The following ATP2B1 variants were observed in gnomAD, a reference collection of about 807,000 sequenced individuals.
The protein encoded by ATP2B1 is ATPase plasma membrane Ca2+ transporting 1.
ATP2B1 carries 14 observed loss-of-function variants against 124.2 expected under a neutral mutation model. The ratio of observed to expected loss-of-function variants is 0.11; its 90% confidence interval spans 0.07 to 0.18. ATP2B1 has a LOEUF of 0.18. Among genes scored for constraint, ATP2B1 ranks in the 10% least tolerant of loss-of-function variants. The pLI is 1.00. For synonymous variants in ATP2B1, 449 were observed against 492.4 expected (o/e 0.91, Z 1.17); for missense variants, 763 against 1,466.1 (o/e 0.52, Z 7.83).
intron 2 of ATP2B1, among the ~76,000 whole-genome samples, chr12:89,648,397 T>C (rs899239697): frequency 6.6e-6 from 1 of 152,214 alleles, no homozygotes; most frequent in African/African-American, 2.4e-5. Context: ...AGAACTTGGC[T>C]GTATTGTGTC....
rs184474742 is a variant in ATP2B1 at position 89,672,150 on chromosome 12, T to C, written c.-221-16043A>G. ...GCTCTATCTCCCTTGGTTTCATTTT[T>C]CTTATGTGTAAAATAGAGAAACTGG... On this transcript the variant is annotated intron_variant, in intron 1 of 20. Coordinates refer to ENST00000428670, the MANE Select transcript of ATP2B1 (RefSeq NM_001366521.1). Among the ~76,000 whole-genome samples the C allele has an allele frequency of 1.1e-3, 173 of 152,356 alleles. 2 individuals are homozygous for C. In the East Asian group the frequency reaches 0.026, roughly 23 times the overall value.
chr12:89,700,977 T>A (rs989036251), intron 1 of ATP2B1, among the ~76,000 whole-genome samples: 1 of 152,212 alleles, frequency 6.6e-6, no homozygotes, highest in African/African-American at 2.4e-5. Flanking sequence ...GCTATATAAA[T>A]CTTTAGTTAC....
chr12:89,595,433 T>C (rs966481022), intron 20 of ATP2B1, among the ~76,000 whole-genome samples: 1 of 152,182 alleles, frequency 6.6e-6, no homozygotes, highest in Admixed American at 6.6e-5. Flanking sequence ...TACAGAATGT[T>C]TTCTCTAGAG....
intron 1 of ATP2B1, among the ~76,000 whole-genome samples, chr12:89,664,489 T>C (rs954854956): frequency 6.6e-6 from 1 of 152,208 alleles, no homozygotes; most frequent in African/African-American, 2.4e-5. Flanking sequence ...GGTCTAATTT[T>C]GCAAGGTTAT....
intron 2 of ATP2B1, among the ~76,000 whole-genome samples, chr12:89,651,050 GC>G (rs1409587674): frequency 6.6e-6 from 1 of 152,190 alleles, no homozygotes; most frequent in Non-Finnish European, 1.5e-5. Flanking sequence ...GAAGTTACAA[GC>G]CTCAATTCCA....
At chr12:89,691,738 AT>A (rs1442632725) in intron 1 of ATP2B1, among the ~76,000 whole-genome samples, 1 of 152,182 alleles carries the variant, frequency 6.6e-6, no homozygotes, top group Non-Finnish European at 1.5e-5. Context: ...TCAAATAATC[AT>A]TCTTTCCACT....
chr12:89,664,569 CA>C (rs1235166423), intron 1 of ATP2B1, among the ~76,000 whole-genome samples: 1 of 152,238 alleles, frequency 6.6e-6, no homozygotes, highest in Non-Finnish European at 1.5e-5. Context: ...TAACACACTA[CA>C]GATTAGTGGT....
chr12:89,689,199 A>G (rs1817741928), intron 1 of ATP2B1, among the ~76,000 whole-genome samples: 1 of 152,072 alleles, frequency 6.6e-6, no homozygotes, highest in African/African-American at 2.4e-5. Flanking sequence ...AATAAAATAC[A>G]AGCTACCCAG....
chr12:89,643,354 A>C (rs1000902945), intron 2 of ATP2B1, among the ~76,000 whole-genome samples: 1 of 151,830 alleles, frequency 6.6e-6, no homozygotes, highest in Non-Finnish European at 1.5e-5. Context: ...CTGATTTTTT[A>C]CTCTCATTTG....
chr12:89,643,519 G>C (rs1425472501), intron 2 of ATP2B1, among the ~76,000 whole-genome samples: 1 of 152,114 alleles, frequency 6.6e-6, no homozygotes, highest in Non-Finnish European at 1.5e-5. Flanking sequence ...GTCACTTAAG[G>C]TAAAAGGTAT....
At chr12:89,661,172 T>A (rs966012605) in intron 1 of ATP2B1, among the ~76,000 whole-genome samples, 1 of 152,190 alleles carries the variant, frequency 6.6e-6, no homozygotes, top group Non-Finnish European at 1.5e-5. Flanking sequence ...CATAAATTAA[T>A]ATCAACTTTG....
intron 11 of ATP2B1, among the ~76,000 whole-genome samples, chr12:89,617,671 C>G (rs1879224844): frequency 6.6e-6 from 1 of 152,138 alleles, no homozygotes; most frequent in Non-Finnish European, 1.5e-5. Context: ...ATACTCCTCT[C>G]CCTTGATGAT....
At chr12:89,637,292 A>C (rs1882848389) in intron 3 of ATP2B1, among the ~76,000 whole-genome samples, 1 of 152,206 alleles carries the variant, frequency 6.6e-6, no homozygotes, top group South Asian at 2.1e-4. Context: ...ACTTGGATTT[A>C]TATAATGTTG....
chr12:89,620,164 T>A lies in ATP2B1; in HGVS notation c.1664A>T (p.Asp555Val). The A allele has an allele frequency of 6.2e-7, 1 of 1,614,068 alleles. No individual in the cohort carries two copies. Among genetic ancestry groups the A allele is most frequent in the Non-Finnish European group, 8.5e-7 (1 of 1,179,988 alleles). The change falls in exon 11 of 21, where the codon GAT becomes GTT. Residue 555 changes from aspartate to valine, a missense_variant. By Grantham distance (152) the Asp-to-Val change is radical (BLOSUM62 -3). Around this residue, in one of 7 missense-constraint regions of ATP2B1, gnomAD observed 392 missense variants for 776.6 expected, o/e 0.50. Transcript: ENST00000428670. ...TECALLGLLL[D>V]LKRDYQDVRN... Reference sequence around the variant, plus strand: ...AACATCCTGATAATCCCGTTTTAAATCCAAAAGAAGTCCCAACAAGGCACA... The same window carrying A: ...AACATCCTGATAATCCCGTTTTAAAACCAAAAGAAGTCCCAACAAGGCACA...
At chr12:89,698,117 C>A (rs925620786) in intron 1 of ATP2B1, among the ~76,000 whole-genome samples, 1 of 152,178 alleles carries the variant, frequency 6.6e-6, no homozygotes, top group African/African-American at 2.4e-5. Context: ...GTGATCCACT[C>A]ATATCTTTTA....
chr12:89,620,288 C>A (rs565557903), intron 10 of ATP2B1, 48 bp from the exon 11 acceptor site: 7 of 1,588,602 alleles, frequency 4.4e-6, no homozygotes, highest in African/African-American at 2.7e-5. Context: ...TCTCTAAGAA[C>A]GTTTAATTTA....
In ATP2B1 at chr12:89,590,411, C is replaced by T. The variant is rs1266394376; in HGVS notation, c.*573G>A. ...AAATTTAGTACAGTTTCAATAGAAACACCCCTTTTTTTTTTTTTCCTGAAA... is the reference window on the plus strand; with the variant it reads ...AAATTTAGTACAGTTTCAATAGAAATACCCCTTTTTTTTTTTTTCCTGAAA... On this transcript the variant is annotated 3_prime_UTR_variant, in exon 21 of 21. Coordinates refer to ENST00000428670, the MANE Select transcript of ATP2B1 (RefSeq NM_001366521.1). The T allele has an allele frequency of 1.3e-5, 2 of 149,414 alleles. No individual in the cohort carries two copies. The highest frequency in any genetic ancestry group is 2.5e-5 in the African/African-American group (1 of 40,276). The allele number at this position is 149,414 out of a possible 1,614,324, so 9.3% of individuals were successfully genotyped here.
intron 1 of ATP2B1, among the ~76,000 whole-genome samples, chr12:89,690,033 T>C (rs891183572): frequency 1.3e-5 from 2 of 152,094 alleles, no homozygotes; most frequent in African/African-American, 2.4e-5. Context: ...ACCCCAGTTA[T>C]GAACTTTCTG....
chr12:89,671,186 A>C (rs528854744), intron 1 of ATP2B1, among the ~76,000 whole-genome samples: 2 of 152,248 alleles, frequency 1.3e-5, no homozygotes, highest in Non-Finnish European at 2.9e-5. Flanking sequence ...ACCTAAAAAG[A>C]GCAAAATGGA....
Sources: gnomAD v4.1 joint callset for allele counts (sites outside exome capture counted in the v4.1 genomes callset) on GRCh38, gnomAD v4.1.1 for gene constraint, gnomAD v4.1.1 regional missense constraint, MANE v1.5 for transcripts, NCBI Gene and HGNC (gene_info 2026-07-23, HGNC 2026-07-21) for gene names.